Variants in SLC9A4 observed in about 807,000 individuals in gnomAD.
The protein encoded by SLC9A4 is sodium/hydrogen exchanger 4.
A neutral mutation model predicts 67.4 loss-of-function variants in SLC9A4; 63 were observed. That is an observed-to-expected ratio of 0.93 (90% CI 0.76 to 1.15). SLC9A4 has a LOEUF of 1.15. Among genes scored for constraint, SLC9A4 ranks in the 50% most tolerant of loss-of-function variants. The pLI is 0.00. For synonymous variants in SLC9A4, 393 were observed against 367.2 expected (o/e 1.07, Z -0.80); for missense variants, 1,089 against 987.7 (o/e 1.10, Z -1.38).
chr2:102,474,139 C>G, intron 1 of SLC9A4, 124 bp downstream of exon 1: 2 of 1,176,498 alleles, frequency 1.7e-6, no homozygotes, highest in South Asian at 3.1e-5. Context: ...TAAAAATTCT[C>G]TTCCCTTCAG....
intron 4 of SLC9A4, among the ~76,000 whole-genome samples, chr2:102,505,972 A>G (rs1227938787): frequency 6.6e-6 from 1 of 152,236 alleles, no homozygotes; most frequent in Non-Finnish European, 1.5e-5. Flanking sequence ...TGGAAGACAA[A>G]TACTGATAGA....
intron 2 of SLC9A4, among the ~76,000 whole-genome samples, chr2:102,486,443 C>T (rs889665845): frequency 5.3e-5 from 8 of 152,212 alleles, no homozygotes; most frequent in Non-Finnish European, 8.8e-5. Flanking sequence ...TCTATCTGAA[C>T]GTTGCAGTCT....
chr2:102,474,732 C>G (rs1401150029), intron 1 of SLC9A4, among the ~76,000 whole-genome samples: 1 of 152,206 alleles, frequency 6.6e-6, no homozygotes, highest in East Asian at 1.9e-4. Context: ...TCCCTAACTG[C>G]TCCTCCTTAT....
intron 2 of SLC9A4, among the ~76,000 whole-genome samples, chr2:102,490,974 C>T (rs1684686118): frequency 6.6e-6 from 1 of 152,184 alleles, no homozygotes; most frequent in Non-Finnish European, 1.5e-5. Flanking sequence ...AGAGAGATTT[C>T]TGGAGGGTCT....
chr2:102,533,293 T>C lies in SLC9A4; in HGVS notation c.*605T>C, dbSNP rs968366050. The C allele has an allele frequency of 2.6e-5, 4 of 152,766 alleles. No homozygotes were observed. Among genetic ancestry groups the C allele is most frequent in the Non-Finnish European group, 5.9e-5 (4 of 68,350 alleles). 9.5% of individuals were successfully genotyped at this position (152,766 alleles called of 1,614,324 possible). ...CAGTAGCAATGATAGATGTGATGCA[T>C]ACTATAGGATTAATCTGTGAACAAT... On this transcript the variant is annotated 3_prime_UTR_variant, in exon 12 of 12. Transcript: ENST00000295269.
At chr2:102,496,421 T>C (rs1684811718) in intron 2 of SLC9A4, among the ~76,000 whole-genome samples, 1 of 152,220 alleles carries the variant, frequency 6.6e-6, no homozygotes, top group Non-Finnish European at 1.5e-5. Flanking sequence ...CTGGTGGTGT[T>C]CTGCAGTAGA....
At chr2:102,502,065 T>A (rs1319224094) in intron 2 of SLC9A4, among the ~76,000 whole-genome samples, 2 of 152,118 alleles carry the variant, frequency 1.3e-5, no homozygotes, top group African/African-American at 4.8e-5. Context: ...CTGCTCTGAT[T>A]TTTTGCATTT....
In SLC9A4 at chr2:102,505,452, C is replaced by T; in HGVS notation, c.1179C>T (p.Cys393=). 6.2e-6 allele frequency: 10 copies of T among 1,614,026 alleles called. No individual in the cohort carries two copies. Among genetic ancestry groups the T allele is most frequent in the Non-Finnish European group, 8.5e-6 (10 of 1,180,034 alleles). Residue 393 remains cysteine, a synonymous_variant, in exon 4 of 12, where the codon TGC becomes TGT. Transcript: ENST00000295269. ...TCATCTGCTTCACCCTGGCCTTCTG[C>T]CAAATCTGGAGAGCCATCAGTAAGA... ...WAFICFTLAF[C]QIWRAISVFA... is the part of the protein sequence containing the mutation.
chr2:102,514,430 T>C (rs1685233313), intron 8 of SLC9A4, among the ~76,000 whole-genome samples, 179 bp downstream of exon 8: 2 of 152,234 alleles, frequency 1.3e-5, no homozygotes, highest in South Asian at 2.1e-4. Context: ...AGCTCACATA[T>C]TTTACCTAGT....
Position 102,509,075 on chromosome 2 carries a change from G to C in SLC9A4, c.1488+142G>C. ...ACTGTATAAGTTTCCTATGGCTGCT[G>C]TAGGAAATTGCCACAAACTTAGTGC... On this transcript the variant is annotated intron_variant, in intron 6 of 11. Coordinates refer to ENST00000295269, the MANE Select transcript of SLC9A4 (RefSeq NM_001011552.4). The C allele has an allele frequency of 9.9e-6, 7 of 708,850 alleles. No individual in the cohort carries two copies. In the South Asian group the frequency reaches 1.3e-4, roughly 13 times the overall value. 43.9% of individuals were successfully genotyped at this position (708,850 alleles called of 1,614,324 possible).
intron 2 of SLC9A4, among the ~76,000 whole-genome samples, chr2:102,487,439 C>T (rs1247777973): frequency 6.6e-6 from 1 of 152,106 alleles, no homozygotes; most frequent in Admixed American, 6.5e-5. Flanking sequence ...TTACTTCCTG[C>T]ACTTGTGGAG....
At chr2:102,480,603 T>C (rs1684440594) in intron 2 of SLC9A4, among the ~76,000 whole-genome samples, 1 of 152,260 alleles carries the variant, frequency 6.6e-6, no homozygotes, top group African/African-American at 2.4e-5. Context: ...TATTGAATAT[T>C]CTTTTTTTCT....
At chr2:102,474,771 GA>G (rs1453516231) in intron 1 of SLC9A4, among the ~76,000 whole-genome samples, 1 of 152,186 alleles carries the variant, frequency 6.6e-6, no homozygotes, top group Non-Finnish European at 1.5e-5. Flanking sequence ...TTCTAAAGTG[GA>G]AAATTAATAT....
chr2:102,496,518 A>G (rs1684814204), intron 2 of SLC9A4, among the ~76,000 whole-genome samples: 3 of 152,228 alleles, frequency 2.0e-5, no homozygotes, highest in Admixed American at 2.0e-4. Context: ...TTAGAAATAA[A>G]CATTTAGCAG....
chr2:102,488,715 A>T (rs1382130479), intron 2 of SLC9A4, among the ~76,000 whole-genome samples: 1 of 151,736 alleles, frequency 6.6e-6, no homozygotes, highest in Non-Finnish European at 1.5e-5. Flanking sequence ...CGCCCGGCTA[A>T]TTTTTGTATT....
intron 1 of SLC9A4, 96 bp from the exon 2 acceptor site, chr2:102,478,743 C>T: frequency 1.6e-6 from 2 of 1,232,460 alleles, no homozygotes; most frequent in East Asian, 2.5e-5. Context: ...TGCCAGTCAG[C>T]TTGTCCACGG....
chr2:102,505,207 G>A (rs762774545), intron 3 of SLC9A4, 47 bp from the exon 4 acceptor site: 6 of 1,575,528 alleles, frequency 3.8e-6, no homozygotes, highest in Non-Finnish European at 5.2e-6. Flanking sequence ...GTTTTGTGGA[G>A]GGGGAAAACC....
rs1674636899 is a variant in SLC9A4 at position 102,525,156 on chromosome 2, G to C, written c.1950+1G>C. ...TCACAGCCTGCCCTGGGGAAAGCCG[G>C]TACATTGGGGCTGGGGACTGGGACA... On this transcript the variant is annotated splice_donor_variant, in intron 10 of 11. Coordinates refer to ENST00000295269, the MANE Select transcript of SLC9A4 (RefSeq NM_001011552.4). LOFTEE classifies it high-confidence loss of function. The C allele has an allele frequency of 6.2e-7, 1 of 1,613,804 alleles. No homozygotes were observed. Among genetic ancestry groups the C allele is most frequent in the Non-Finnish European group, 8.5e-7 (1 of 1,179,828 alleles).
chr2:102,475,108 G>T (rs529821231), intron 1 of SLC9A4, among the ~76,000 whole-genome samples: 3 of 152,308 alleles, frequency 2.0e-5, no homozygotes, highest in African/African-American at 7.2e-5. Context: ...AGGAATGTTA[G>T]TTTGAAGAAG....
Sources: gnomAD v4.1 joint callset for allele counts (sites outside exome capture counted in the v4.1 genomes callset) on GRCh38, gnomAD v4.1.1 for gene constraint, MANE v1.5 for transcripts, NCBI Gene and HGNC (gene_info 2026-07-23, HGNC 2026-07-21) for gene names.